SATB1: variants seen among roughly 807,000 people sequenced by gnomAD.
SATB1 encodes SATB homeobox 1.
Under a neutral mutation model 86.9 loss-of-function variants are expected in SATB1, and 11 were observed. That is an observed-to-expected ratio of 0.13 (90% confidence interval 0.08 to 0.21). The LOEUF (loss-of-function observed/expected upper bound fraction) is 0.21, where lower values mean the gene tolerates loss of function less well. SATB1 is among the 10% of genes least tolerant of loss of function. The pLI is 1.00. For synonymous variants in SATB1, 357 were observed against 357.2 expected, an observed-to-expected ratio of 1.00 and a Z score of 0.01; for missense variants, 551 against 937.6, an observed-to-expected ratio of 0.59 and a Z score of 5.39.
intron 5 of SATB1, among the ~76,000 whole-genome samples, chr3:18,406,335 C>T (rs1311973398): frequency 2.0e-5 from 3 of 151,982 alleles, no homozygotes; most frequent in East Asian, 3.9e-4. Context: ...ATACTGTTAA[C>T]ATTTCCGTAT....
intron 9 of SATB1, among the ~76,000 whole-genome samples, chr3:18,374,649 A>T (rs1340545743): frequency 6.6e-6 from 1 of 152,198 alleles, no homozygotes; most frequent in Non-Finnish European, 1.5e-5. Context: ...ACAATTCCAT[A>T]TCTATTATTC....
chr3:18,383,781 T>A (rs1156306268), intron 8 of SATB1, among the ~76,000 whole-genome samples: 2 of 152,176 alleles, frequency 1.3e-5, no homozygotes, highest in African/African-American at 4.8e-5. Context: ...TATAACGTGT[T>A]TTTCCAAATC....
intron 6 of SATB1, among the ~76,000 whole-genome samples, chr3:18,395,240 CA>C (rs1413010612): frequency 6.6e-6 from 1 of 152,118 alleles, no homozygotes; most frequent in African/African-American, 2.4e-5. Context: ...GGCTTCTAAG[CA>C]ACAATTTTTA....
rs770627705 is a variant in SATB1 at position 18,352,021 on chromosome 3, T to C, written c.1750A>G (p.Ile584Val). Residue 584 changes from isoleucine to valine, a missense_variant, in exon 10 of 11, where the codon ATT becomes GTT. This residue lies in a region of SATB1 where 87 missense variants were observed against 103.6 expected (regional missense o/e 0.84). Coordinates refer to ENST00000338745, the MANE Select transcript of SATB1 (RefSeq NM_002971.6). The surrounding 1 kb of genome is among the most constrained non-coding windows in gnomAD (Gnocchi z 4.1). ...ATCTGCTCTGCTGGAACATGGATAA[T>C]GTGGGGCGGCCTGTCGCCATGGTGA... is the stretch of plus-strand genomic sequence containing the variant. ...VHHHGDRPPH[I>V]IHVPAEQIQQ... 1.8e-5 allele frequency: 29 copies of C among 1,614,122 alleles called. No homozygotes were observed. The South Asian group carries it at 2.4e-4, about 13-fold the overall frequency.
At chr3:18,421,843 T>TAAAAAAAAAAAAA (rs201544416) in intron 1 of SATB1, among the ~76,000 whole-genome samples, 1 of 137,056 alleles carries the variant, frequency 7.3e-6, no homozygotes, top group African/African-American at 2.7e-5. Flanking sequence ...CAAGCTCAAT[T>TAAAAAAAAAAAAA]AAAAAAAAAA....
At chr3:18,428,618 A>C (rs550823175), upstream of SATB1, among the ~76,000 whole-genome samples, 2 of 152,346 alleles carry the variant, frequency 1.3e-5, no homozygotes, top group African/African-American at 4.8e-5. Flanking sequence ...AAACTTTATA[A>C]GTCTGGCCAT....
intron 9 of SATB1, among the ~76,000 whole-genome samples, chr3:18,366,831 C>A (rs34669921): frequency 0.28 from 42,936 of 151,956 alleles, 7,509 homozygotes; most frequent in East Asian, 0.38. Context: ...TGTAAATAAC[C>A]CTTCTTGGCT....
Position 18,346,827 on chromosome 3 carries a change from T to C in SATB1, c.*2343A>G, listed in dbSNP as rs913176752. The stretch of plus-strand genomic sequence containing the variant: ...TTAGGGGATATAAGGAAGAGGAAGA[T>C]AACTTCATGGCATTTGAGTTTCTAT... On this transcript the variant is annotated 3_prime_UTR_variant, in exon 11 of 11. Transcript: ENST00000338745. The C allele has an allele frequency of 7.2e-5, 11 of 152,172 alleles. No individual in the cohort carries two copies. Among genetic ancestry groups the C allele is most frequent in the African/African-American group, 2.7e-4 (11 of 41,454 alleles). The allele number at this position is 152,172 out of a possible 1,614,324, so 9.4% of individuals were successfully genotyped here.
intron 7 of SATB1, among the ~76,000 whole-genome samples, chr3:18,393,921 T>C (rs1696819021): frequency 6.6e-6 from 1 of 152,200 alleles, no homozygotes; most frequent in Non-Finnish European, 1.5e-5. Flanking sequence ...TAATAAGTCA[T>C]ATAATATTTT....
At chr3:18,445,297 C>T (rs1699362842) in intron 1 of SATB1, 5 of 985,340 alleles carry the variant, frequency 5.1e-6, no homozygotes, top group Non-Finnish European at 6.0e-6. Context: ...GAGCCGCCGC[C>T]GCCGCCGCCG....
chr3:18,413,295 T>C (rs1697953920), intron 5 of SATB1, among the ~76,000 whole-genome samples: 1 of 152,108 alleles, frequency 6.6e-6, no homozygotes, highest in African/African-American at 2.4e-5. Context: ...TGAATGTTGA[T>C]GTCATTTAAC....
In SATB1 at chr3:18,349,647, C is replaced by T; in HGVS notation, c.1815G>A (p.Gln605=). 1 of 1,610,830 alleles carries T rather than the reference C, an allele frequency of 6.2e-7. No individual in the cohort carries two copies. Among genetic ancestry groups the T allele is most frequent in the South Asian group, 1.1e-5 (1 of 90,876 alleles). ...GCTGTGGAGGCGGCGGTGCCTGCTG[C>T]TGCTGCTGCTGCTGTTGCTGTTGCT... is the stretch of plus-strand genomic sequence containing the variant. ...QQQQQQQQQQ[Q]QQAPPPPQPQ... Residue 605 remains glutamine, a synonymous_variant, in exon 11 of 11, where the codon CAG becomes CAA. Coordinates refer to ENST00000338745, the MANE Select transcript of SATB1 (RefSeq NM_002971.6). The surrounding 1 kb of genome is among the most constrained non-coding windows in gnomAD (Gnocchi z 5.5).
intron 5 of SATB1, among the ~76,000 whole-genome samples, chr3:18,408,353 C>T (rs1231696379): frequency 6.6e-6 from 1 of 152,032 alleles, no homozygotes; most frequent in African/African-American, 2.4e-5. Context: ...TCTTATATTT[C>T]TGTAGCGCCC....
intron 8 of SATB1, among the ~76,000 whole-genome samples, chr3:18,378,771 T>TA (rs1695896675): frequency 6.6e-6 from 1 of 152,198 alleles, no homozygotes; most frequent in Non-Finnish European, 1.5e-5. Flanking sequence ...TACTATGGCC[T>TA]TTTTAATTTT....
chr3:18,370,470 T>C (rs1353833062), intron 9 of SATB1, among the ~76,000 whole-genome samples: 1 of 120,082 alleles, frequency 8.3e-6, no homozygotes, highest in African/African-American at 3.3e-5. Context: ...GTATCTTAAA[T>C]GACTGCTTTA....
chr3:18,387,894 C>T (rs1696425082), intron 7 of SATB1, among the ~76,000 whole-genome samples: 1 of 151,940 alleles, frequency 6.6e-6, no homozygotes, highest in Non-Finnish European at 1.5e-5. Flanking sequence ...GGTTTTGTTC[C>T]CAAATTTAAA....
intron 1 of SATB1, among the ~76,000 whole-genome samples, chr3:18,421,808 T>C (rs189267342): frequency 6.6e-6 from 1 of 151,000 alleles, no homozygotes; most frequent in African/African-American, 2.4e-5. Context: ...ATACACTTCG[T>C]GATATGCACA....
intron 9 of SATB1, among the ~76,000 whole-genome samples, chr3:18,369,239 A>C (rs1044976313): frequency 6.6e-6 from 1 of 151,932 alleles, no homozygotes; most frequent in African/African-American, 2.4e-5. Flanking sequence ...TTCAGAATTT[A>C]GGTTCAAATA....
At chr3:18,422,007 A>C (rs916837348) in intron 1 of SATB1, among the ~76,000 whole-genome samples, 1 of 152,152 alleles carries the variant, frequency 6.6e-6, no homozygotes, top group African/African-American at 2.4e-5. Context: ...CAATTTTCCC[A>C]TCATTTATAG....
Sources: gnomAD v4.1 joint callset for allele counts (sites outside exome capture counted in the v4.1 genomes callset) on GRCh38, gnomAD v4.1.1 for gene constraint, gnomAD v4.1.1 regional missense constraint, Gnocchi (gnomAD v3.1) non-coding constraint, MANE v1.5 for transcripts, NCBI Gene and HGNC (gene_info 2026-07-23, HGNC 2026-07-21) for gene names.